Variants in ACKR2 observed in about 807,000 individuals in gnomAD.
ACKR2 encodes the protein C-C chemokine receptor D6.
For synonymous variants in ACKR2, 207 were observed against 192.2 expected, an observed-to-expected ratio of 1.08 and a Z score of -0.64; for missense variants, 457 against 477.3, an observed-to-expected ratio of 0.96 and a Z score of 0.40.
chr3:42,864,340 C>G (rs1338854226), intron 2 of ACKR2, 126 bp from the exon 3 acceptor site: 16 of 789,826 alleles, frequency 2.0e-5, no homozygotes, highest in Admixed American at 1.3e-4. Flanking sequence ...AGCTTTTGCT[C>G]TTACTTGCTG....
intron 2 of ACKR2, 73 bp from the exon 3 acceptor site, chr3:42,864,393 C>T: frequency 7.2e-7 from 1 of 1,382,812 alleles, no homozygotes; most frequent in Non-Finnish European, 9.7e-7. Context: ...TATTGGACAT[C>T]CCAGGGCAGC....
At chr3:42,829,477 T>C (rs1426664144) in intron 2 of ACKR2, among the ~76,000 whole-genome samples, 1 of 151,838 alleles carries the variant, frequency 6.6e-6, no homozygotes, top group Non-Finnish European at 1.5e-5. Context: ...CCAGGGTGAG[T>C]CACTTTCCCT....
intron 2 of ACKR2, among the ~76,000 whole-genome samples, chr3:42,821,454 A>G (rs1227200537): frequency 2.6e-5 from 4 of 152,172 alleles, no homozygotes; most frequent in Non-Finnish European, 4.4e-5. Flanking sequence ...CACACTTGAC[A>G]TACGAAAGTG....
chr3:42,861,303 A>G (rs1228762893), intron 2 of ACKR2, among the ~76,000 whole-genome samples: 1 of 152,222 alleles, frequency 6.6e-6, no homozygotes, highest in African/African-American at 2.4e-5. Context: ...CCCTCCCAAG[A>G]CTAAACCAGG....
intron 2 of ACKR2, among the ~76,000 whole-genome samples, chr3:42,857,652 G>A (rs746004348): frequency 5.9e-5 from 9 of 152,118 alleles, no homozygotes; most frequent in African/African-American, 9.7e-5. Flanking sequence ...TTTCTGCTGC[G>A]AACAGAAATA....
intron 2 of ACKR2, among the ~76,000 whole-genome samples, chr3:42,838,287 A>G (rs1193329277): frequency 6.6e-6 from 1 of 152,220 alleles, no homozygotes; most frequent in Non-Finnish European, 1.5e-5. Context: ...TGCAAATCAT[A>G]TATCTGATAA....
intron 2 of ACKR2, among the ~76,000 whole-genome samples, chr3:42,840,453 G>T (rs1030654629): frequency 2.0e-5 from 3 of 151,968 alleles, no homozygotes; most frequent in African/African-American, 7.3e-5. Context: ...CTATCCCCAC[G>T]CATTGTTTGC....
chr3:42,856,545 C>A, intron 2 of ACKR2: 1 of 613,878 alleles, frequency 1.6e-6, no homozygotes, highest in Non-Finnish European at 2.9e-6. Context: ...AAAAAGCTAA[C>A]ATCCTCACTA....
chr3:42,853,394 T>C (rs1392750806), intron 2 of ACKR2, among the ~76,000 whole-genome samples: 2 of 152,150 alleles, frequency 1.3e-5, no homozygotes, highest in Non-Finnish European at 2.9e-5. Context: ...CATTATTACA[T>C]ATAAAGCTCA....
At chr3:42,857,774 A>G (rs1301169224) in intron 2 of ACKR2, among the ~76,000 whole-genome samples, 1 of 152,270 alleles carries the variant, frequency 6.6e-6, no homozygotes, top group Non-Finnish European at 1.5e-5. Flanking sequence ...TCCTCAGGTG[A>G]CAGGAGTAAA....
rs2088416481 is a variant in ACKR2 at position 42,864,784 on chromosome 3, G to A, written c.282G>A (p.Leu94=). Reference sequence around the variant, plus strand: ...TGAATCTGGCCATCTCCAACCTTCTGTTTCTGGTGACACTGCCCTTCTGGG... The same window carrying A: ...TGAATCTGGCCATCTCCAACCTTCTATTTCTGGTGACACTGCCCTTCTGGG... The part of the protein sequence containing the change: ...YLLNLAISNL[L]FLVTLPFWGI... Residue 94 remains leucine (L), a synonymous_variant, in exon 3 of 3, where the codon CTG becomes CTA. Coordinates refer to ENST00000422265, the MANE Select transcript of ACKR2 (RefSeq NM_001296.5). 6.2e-7 allele frequency: 1 copy of A among 1,614,240 alleles called. No homozygotes were observed. The highest frequency in any genetic ancestry group is 1.1e-5 in the South Asian group (1 of 91,086).
At chr3:42,827,446 G>A (rs1042309358) in intron 2 of ACKR2, among the ~76,000 whole-genome samples, 2 of 152,112 alleles carry the variant, frequency 1.3e-5, no homozygotes, top group Admixed American at 6.5e-5. Flanking sequence ...TTTGTGCAGA[G>A]CCATGTTGTA....
chr3:42,833,174 AT>A (rs1189786373), intron 2 of ACKR2, among the ~76,000 whole-genome samples: 1 of 152,026 alleles, frequency 6.6e-6, no homozygotes, highest in African/African-American at 2.4e-5. Flanking sequence ...TAATTTATAA[AT>A]TTTTTTGTAG....
At chr3:42,814,480 C>G (rs1448964380) in intron 1 of ACKR2, among the ~76,000 whole-genome samples, 1 of 152,204 alleles carries the variant, frequency 6.6e-6, no homozygotes. Context: ...ATAGGAGAAA[C>G]AGGCTTCTAA....
At position 42,828,653 on chromosome 3, in the gene ACKR2, G is replaced by A. The variant is rs982012387; in HGVS notation, c.-38+8942G>A. 6.4e-4 allele frequency among the ~76,000 whole-genome samples: 97 copies of A among 152,176 alleles called. 1 individual carries two copies. Among genetic ancestry groups the A allele is most frequent in the Admixed American group, 5.2e-4 (8 of 15,278 alleles). ...TGGAGATATGGAGATTTGGAGCGGC[G>A]AATTTATCTCACATGCCAGTTAGAC... On this transcript the variant is annotated intron_variant, in intron 2 of 2. Coordinates refer to ENST00000422265, the MANE Select transcript of ACKR2 (RefSeq NM_001296.5).
chr3:42,810,407 A>G (rs112493061), intron 1 of ACKR2, among the ~76,000 whole-genome samples: 2,296 of 145,904 alleles, frequency 0.016, 70 homozygotes, highest in African/African-American at 0.056. Flanking sequence ...AATTCATAGT[A>G]CCCCCCCCCA....
At chr3:42,817,225 A>C (rs990044200) in intron 1 of ACKR2, among the ~76,000 whole-genome samples, 15 of 152,188 alleles carry the variant, frequency 9.9e-5, no homozygotes, top group African/African-American at 3.6e-4. Context: ...TCTTGCTGCT[A>C]TCTTCTTAAG....
At chr3:42,825,859 T>A (rs1263370431) in intron 2 of ACKR2, among the ~76,000 whole-genome samples, 1 of 104,408 alleles carries the variant, frequency 9.6e-6, no homozygotes, top group African/African-American at 2.9e-5. Context: ...GGGTTTTTTT[T>A]TTTTTGTTTT....
intron 2 of ACKR2, among the ~76,000 whole-genome samples, chr3:42,824,405 G>A (rs1246089643): frequency 6.6e-6 from 1 of 152,054 alleles, no homozygotes; most frequent in East Asian, 1.9e-4. Context: ...CTTAAATTAT[G>A]CAATTTAATA....
Sources: gnomAD v4.1 joint callset for allele counts (sites outside exome capture counted in the v4.1 genomes callset) on GRCh38, gnomAD v4.1.1 for gene constraint, MANE v1.5 for transcripts, NCBI Gene and HGNC (gene_info 2026-07-23, HGNC 2026-07-21) for gene names.